IL1RAPL2: variants seen among roughly 807,000 people sequenced by gnomAD.
IL1RAPL2 encodes X-linked interleukin-1 receptor accessory protein-like 2.
IL1RAPL2 carries 3 observed loss-of-function variants against 44.1 expected under a neutral mutation model. The ratio of observed to expected loss-of-function variants is 0.07; its 90% CI spans 0.03 to 0.18. The LOEUF is 0.18. Ranked by LOEUF, IL1RAPL2 falls within the 10% of genes least tolerant of loss-of-function variation. The probability of loss-of-function intolerance (pLI) is 1.00; values close to 1 mark genes in which losing one functional copy is unlikely to be tolerated. For missense variants in IL1RAPL2, 391 were observed against 496.4 expected (o/e 0.79, Z 2.02); for synonymous variants, 181 against 178.8 (o/e 1.01, Z -0.10).
chrX:105,242,041 TG>T (rs1556208827), intron 4 of IL1RAPL2, among the ~76,000 whole-genome samples: 1 of 112,007 alleles, frequency 8.9e-6, no homozygotes, highest in African/African-American at 3.2e-5. Flanking sequence ...GTACTAGGTG[TG>T]GGGCCTAGGA....
intron 2 of IL1RAPL2, among the ~76,000 whole-genome samples, chrX:105,104,661 C>G (rs2032715080): frequency 8.9e-6 from 1 of 112,062 alleles, no homozygotes; most frequent in East Asian, 2.8e-4. Flanking sequence ...ATTCATTTAA[C>G]AAACATTTAT....
chrX:104,807,839 C>G (rs2147616724), intron 2 of IL1RAPL2, among the ~76,000 whole-genome samples: 1 of 111,167 alleles, frequency 9.0e-6, no homozygotes, highest in East Asian at 2.8e-4. Flanking sequence ...ATGGACTTTT[C>G]ATTTTGTTCC....
chrX:104,587,301 T>A, intron 1 of IL1RAPL2, among the ~76,000 whole-genome samples: 1 of 112,129 alleles, frequency 8.9e-6, no homozygotes, highest in Non-Finnish European at 1.9e-5. Context: ...ATTTGTCTTC[T>A]GCAACCACCA....
chrX:105,248,437 G>A (rs1361570678), intron 4 of IL1RAPL2, among the ~76,000 whole-genome samples: 1 of 111,453 alleles, frequency 9.0e-6, no homozygotes, highest in Non-Finnish European at 1.9e-5. Flanking sequence ...AAATTCAACA[G>A]CTTTTGTTTT....
intron 2 of IL1RAPL2, among the ~76,000 whole-genome samples, chrX:104,775,099 T>C (rs1264836722): frequency 1.8e-5 from 2 of 112,658 alleles, no homozygotes; most frequent in Non-Finnish European, 3.7e-5. Flanking sequence ...GCATTCATTC[T>C]AAATTAAGCA....
At chrX:105,460,235 T>C (rs766936465) in intron 5 of IL1RAPL2, among the ~76,000 whole-genome samples, 1 of 111,328 alleles carries the variant, frequency 9.0e-6, no homozygotes, top group South Asian at 3.8e-4. Flanking sequence ...AAGAATAGAC[T>C]ACCTTATTTA....
chrX:105,484,242 C>T, intron 5 of IL1RAPL2, 71 bp from the exon 6 acceptor site: 1 of 774,492 alleles, frequency 1.3e-6, no homozygotes, highest in Non-Finnish European at 2.0e-6. Context: ...AAATATCATA[C>T]ATGATAGAAT....
chrX:104,685,622 G>C (rs933838049), intron 2 of IL1RAPL2, among the ~76,000 whole-genome samples: 2 of 111,379 alleles, frequency 1.8e-5, no homozygotes, highest in Admixed American at 9.6e-5. Context: ...GAATAACCTG[G>C]GGTGGGGGAA....
chrX:105,387,843 G>A (rs1180460980), intron 5 of IL1RAPL2, among the ~76,000 whole-genome samples: 2 of 109,607 alleles, frequency 1.8e-5, no homozygotes, highest in African/African-American at 6.6e-5. Flanking sequence ...ATTATGCTTT[G>A]CGTCTGTAGA....
At chrX:105,411,801 T>G (rs1347068662) in intron 5 of IL1RAPL2, among the ~76,000 whole-genome samples, 2 of 111,908 alleles carry the variant, frequency 1.8e-5, no homozygotes, top group Non-Finnish European at 1.9e-5. Context: ...GTAGACCAAA[T>G]GTATCTAACA....
At chrX:105,283,461 G>A (rs944583957) in intron 5 of IL1RAPL2, among the ~76,000 whole-genome samples, 5 of 110,711 alleles carry the variant, frequency 4.5e-5, no homozygotes, top group Admixed American at 9.7e-5. Flanking sequence ...GAAAGATGAT[G>A]GTGGCTTGGG....
chrX:104,839,982 G>T (rs1404402082), intron 2 of IL1RAPL2, among the ~76,000 whole-genome samples: 2 of 111,528 alleles, frequency 1.8e-5, no homozygotes, highest in Non-Finnish European at 3.8e-5. Flanking sequence ...AGCTAGCAGT[G>T]TATCTATTTT....
chrX:105,656,008 T>C (rs1046919760), intron 6 of IL1RAPL2, among the ~76,000 whole-genome samples: 1 of 111,566 alleles, frequency 9.0e-6, no homozygotes, highest in African/African-American at 3.3e-5. Flanking sequence ...AAATGTATGG[T>C]TAAATTATTA....
intron 2 of IL1RAPL2, among the ~76,000 whole-genome samples, chrX:104,934,221 A>C (rs1280087678): frequency 1.8e-5 from 2 of 108,513 alleles, no homozygotes; most frequent in African/African-American, 3.3e-5. Context: ...TACACTCACA[A>C]CTTTTTTTTT....
intron 2 of IL1RAPL2, among the ~76,000 whole-genome samples, chrX:104,952,499 G>A (rs1343457364): frequency 8.9e-6 from 1 of 111,938 alleles, no homozygotes; most frequent in East Asian, 2.8e-4. Flanking sequence ...TGCAAAGAGT[G>A]AATTTACTTT....
chrX:105,075,918 T>G (rs898546859), intron 2 of IL1RAPL2, among the ~76,000 whole-genome samples: 1 of 111,926 alleles, frequency 8.9e-6, no homozygotes, highest in Non-Finnish European at 1.9e-5. Context: ...TCGTGTCTAT[T>G]TGATTCTTCT....
chrX:104,978,320 C>A (rs1396169434), intron 2 of IL1RAPL2, among the ~76,000 whole-genome samples: 1 of 111,688 alleles, frequency 9.0e-6, no homozygotes, highest in African/African-American at 3.3e-5. Flanking sequence ...ACACAAAGGG[C>A]TTCAATTGTA....
At chrX:105,228,350 T>G (rs2090794164) in intron 3 of IL1RAPL2, among the ~76,000 whole-genome samples, 1 of 112,159 alleles carries the variant, frequency 8.9e-6, no homozygotes, top group Non-Finnish European at 1.9e-5. Context: ...TTATTTAGAT[T>G]ATTTTCACCA....
rs12688112 is a variant in IL1RAPL2, at chrX:105,602,435, A to G, written c.773-114932A>G. On this transcript the variant is annotated intron_variant, in intron 6 of 10. Transcript: ENST00000372582. ...AGAATTAAGAAAGCCTCCTGGACAG[A>G]TAGGACACCATTAAGTGCACAAATT... Among the ~76,000 whole-genome samples the G allele has an allele frequency of 0.014, 1,528 of 111,331 alleles. 67 individuals carry two copies. The East Asian group carries it at 0.16, about 12-fold the overall frequency.
Sources: allele counts gnomAD v4.1 joint callset (sites outside exome capture counted in the v4.1 genomes callset), GRCh38; gene constraint gnomAD v4.1.1; transcripts MANE v1.5; gene names NCBI Gene and HGNC (gene_info 2026-07-23, HGNC 2026-07-21).